Variants in SELENOI observed in about 807,000 individuals in gnomAD.
SELENOI encodes selenoprotein I.
In SELENOI, 24 loss-of-function variants were observed where a neutral mutation model predicts 50.7. The ratio of observed to expected loss-of-function variants is 0.47; its 90% confidence interval spans 0.34 to 0.67. The LOEUF (loss-of-function observed/expected upper bound fraction) is 0.67, where lower values mean the gene tolerates loss of function less well. SELENOI is among the 30% of genes least tolerant of loss of function. SELENOI has a pLI of 0.01. For synonymous variants in SELENOI, 155 were observed against 170.2 expected (o/e 0.91, Z 0.70); for missense variants, 352 against 461.4 (o/e 0.76, Z 2.17).
At chr2:26,375,708 A>C (rs375021732) in intron 6 of SELENOI, among the ~76,000 whole-genome samples, 7 of 152,142 alleles carry the variant, frequency 4.6e-5, no homozygotes, top group African/African-American at 1.7e-4. Context: ...AACGAGTGTA[A>C]AGAGAAATCT....
chr2:26,370,987 C>T lies in SELENOI; in HGVS notation c.311-2380C>T, dbSNP rs1321816589. On this transcript the variant is annotated intron_variant, in intron 4 of 9. Transcript: ENST00000260585. Reference sequence around the variant, plus strand: ...CTGGCCGGGCGGGGGGCTGACCCCCCCACCTCCCTCCCGGACAGGGCGGCT... The same window carrying T: ...CTGGCCGGGCGGGGGGCTGACCCCCTCACCTCCCTCCCGGACAGGGCGGCT... 3.6e-5 allele frequency among the ~76,000 whole-genome samples: 5 copies of T among 137,002 alleles called. No individual in the cohort carries two copies. The East Asian group carries it at 9.3e-4, about 26-fold the overall frequency. The allele number at this position is 137,002 out of a possible 152,430, so 89.9% of individuals were successfully genotyped here.
chr2:26,381,655 C>T (rs1227298318), intron 6 of SELENOI, among the ~76,000 whole-genome samples: 3 of 152,148 alleles, frequency 2.0e-5, no homozygotes, highest in East Asian at 1.9e-4. Context: ...CCCAGCTTGA[C>T]GTGGAGTAAG....
Position 26,394,533 on chromosome 2 carries a change from G to GC in SELENOI, c.*5432dup, listed in dbSNP as rs1202334616. On this transcript the variant is annotated 3_prime_UTR_variant, in exon 10 of 10. Coordinates refer to ENST00000260585, the MANE Select transcript of SELENOI (RefSeq NM_033505.4). The surrounding 1 kb of genome is among the most constrained non-coding windows in gnomAD (Gnocchi z 4.1). ...GGTTATTTTGTTGTTTAGATAACTT[G>GC]CCTCCCTAGAGGAGCATTCAGGAGA... 6.6e-6 allele frequency: 1 copy of GC among 152,076 alleles called. No individual in the cohort carries two copies. Among genetic ancestry groups the GC allele is most frequent in the Non-Finnish European group, 1.5e-5 (1 of 68,028 alleles). 9.4% of individuals were successfully genotyped at this position (152,076 alleles called of 1,614,324 possible).
At chr2:26,366,932 A>G (rs887736726) in intron 3 of SELENOI, among the ~76,000 whole-genome samples, 1 of 152,240 alleles carries the variant, frequency 6.6e-6, no homozygotes, top group East Asian at 1.9e-4. Flanking sequence ...TAAAAGCTCA[A>G]AATAACTGCT....
At chr2:26,386,653 A>C (rs2147963725) in intron 9 of SELENOI, 117 bp downstream of exon 9, 2 of 829,442 alleles carry the variant, frequency 2.4e-6, no homozygotes, top group East Asian at 6.0e-5. Context: ...TTATTATAGT[A>C]GCTGTAAGGG....
chr2:26,384,935 A>G, intron 7 of SELENOI, 24 bp from the exon 8 acceptor site: 1 of 1,536,504 alleles, frequency 6.5e-7, no homozygotes, highest in Non-Finnish European at 8.9e-7. Flanking sequence ...AATGTTCTTT[A>G]TATTACTTGA....
chr2:26,382,475 T>G (rs1034774927), intron 6 of SELENOI, among the ~76,000 whole-genome samples: 1 of 152,180 alleles, frequency 6.6e-6, no homozygotes, highest in African/African-American at 2.4e-5. Context: ...CTTGGTAAAT[T>G]TCAAGAGTAT....
chr2:26,373,661 A>G (rs752920430), intron 5 of SELENOI, 32 bp downstream of exon 5: 2 of 1,597,280 alleles, frequency 1.3e-6, no homozygotes, highest in South Asian at 2.3e-5. Context: ...AATTTTCAGT[A>G]TTACCATGAT....
intron 6 of SELENOI, among the ~76,000 whole-genome samples, chr2:26,381,152 T>G (rs1448100883): frequency 6.7e-6 from 1 of 149,118 alleles, no homozygotes; most frequent in Non-Finnish European, 1.5e-5. Context: ...ATGAAAATAT[T>G]TTTTATGACC....
At chr2:26,388,595 T>G (rs1237524783) in intron 9 of SELENOI, among the ~76,000 whole-genome samples, 1 of 152,206 alleles carries the variant, frequency 6.6e-6, no homozygotes, top group Non-Finnish European at 1.5e-5. Context: ...TAATAAGGCC[T>G]CTCCAAATTC....
intron 5 of SELENOI, 85 bp downstream of exon 5, chr2:26,373,714 G>A (rs527373749): frequency 1.4e-6 from 2 of 1,400,512 alleles, no homozygotes; most frequent in Admixed American, 5.0e-5. Flanking sequence ...TTGCTCTTAG[G>A]CTTTTTTGAT....
At chr2:26,386,248 T>C in intron 8 of SELENOI, 106 bp from the exon 9 acceptor site, 1 of 1,109,494 alleles carries the variant, frequency 9.0e-7, no homozygotes, top group Non-Finnish European at 1.3e-6. Context: ...GTGTGTTGGT[T>C]CAGGTACTTG....
chr2:26,362,477 G>T (rs1183319192), intron 1 of SELENOI, among the ~76,000 whole-genome samples: 1 of 151,964 alleles, frequency 6.6e-6, no homozygotes, highest in Non-Finnish European at 1.5e-5. Flanking sequence ...ATAAGCAAAG[G>T]TGGCCAGGTC....
At chr2:26,374,571 T>G (rs1229480268) in intron 5 of SELENOI, among the ~76,000 whole-genome samples, 1 of 151,364 alleles carries the variant, frequency 6.6e-6, no homozygotes, top group African/African-American at 2.4e-5. Flanking sequence ...ATTGTATTTT[T>G]TTTTTTTTTT....
intron 1 of SELENOI, among the ~76,000 whole-genome samples, chr2:26,362,271 G>A (rs927138321): frequency 3.9e-5 from 6 of 151,958 alleles, no homozygotes; most frequent in East Asian, 1.9e-4. Flanking sequence ...GGGTTTCACC[G>A]TGTTAGCCAG....
In SELENOI at chr2:26,388,957, A is replaced by T. The variant is rs1031033308; in HGVS notation, c.1096-48A>T. On this transcript the variant is annotated intron_variant, in intron 9 of 9. Transcript: ENST00000260585. ...GGTAAATTCTGTGTGCTTTTAAAAA[A>T]CAATAAGGTACATATTTGTCACTGT... The T allele has an allele frequency of 1.5e-5, 21 of 1,395,666 alleles. No homozygotes were observed. In the Admixed American group the frequency reaches 4.0e-4, roughly 26 times the overall value. The allele number at this position is 1,395,666 out of a possible 1,614,324, so 86.5% of individuals were successfully genotyped here.
At chr2:26,358,851 T>C (rs1007134449) in intron 1 of SELENOI, among the ~76,000 whole-genome samples, 10 of 152,156 alleles carry the variant, frequency 6.6e-5, no homozygotes, top group African/African-American at 1.9e-4. Flanking sequence ...TGCAGTATGA[T>C]TTAGTTGTCC....
chr2:26,353,775 CATCTT>C (rs1677007656), intron 1 of SELENOI, among the ~76,000 whole-genome samples: 1 of 152,296 alleles, frequency 6.6e-6, no homozygotes, highest in African/African-American at 2.4e-5. Flanking sequence ...TTGGAGGAAA[CATCTT>C]GAATTGGATC....
chr2:26,367,200 A>G lies in SELENOI; in HGVS notation c.290A>G (p.Asn97Ser), dbSNP rs770434493. ...DWVWIVVGIL[N>S]FVAYTLDGVD... ...GTTTGGATTGTAGTGGGCATCCTCA[A>G]CTTCGTAGCCTACACTCTAGGTAAG... The change falls in exon 4 of 10, where the codon AAC becomes AGC. Residue 97 changes from asparagine (N) to serine (S), a missense_variant. Asn to Ser is a conservative substitution (Grantham distance 46). Coordinates refer to ENST00000260585, the MANE Select transcript of SELENOI (RefSeq NM_033505.4). 2 of 1,610,230 alleles carry G rather than the reference A, an allele frequency of 1.2e-6. No individual in the cohort carries two copies. Among genetic ancestry groups the G allele is most frequent in the Admixed American group, 1.7e-5 (1 of 59,484 alleles).
Sources: allele counts gnomAD v4.1 joint callset (sites outside exome capture counted in the v4.1 genomes callset), GRCh38; gene constraint gnomAD v4.1.1; non-coding constraint Gnocchi (gnomAD v3.1); transcripts MANE v1.5; gene names NCBI Gene and HGNC (gene_info 2026-07-23, HGNC 2026-07-21).